DNAJC27: variants seen among roughly 807,000 people sequenced by gnomAD.
DNAJC27 encodes DnaJ heat shock protein family (Hsp40) member C27.
Under a neutral mutation model 31.4 loss-of-function variants are expected in DNAJC27, and 25 were observed. The ratio of observed to expected loss-of-function variants is 0.80; its 90% CI spans 0.58 to 1.11. The LOEUF (loss-of-function observed/expected upper bound fraction) is 1.11, where lower values mean the gene tolerates loss of function less well. Among genes scored for constraint, DNAJC27 ranks in the 50% most tolerant of loss-of-function variants. The pLI, the probability that DNAJC27 is intolerant of heterozygous loss-of-function variation, is 0.00. For synonymous variants in DNAJC27, 106 were observed against 112.7 expected (o/e 0.94, Z 0.37); for missense variants, 356 against 347.3 (o/e 1.02, Z -0.20).
At chr2:24,957,674 TAGGGACA>T in intron 4 of DNAJC27, 129 bp downstream of exon 4, 1 of 859,136 alleles carries the variant, frequency 1.2e-6, no homozygotes, top group African/African-American at 1.7e-5. Flanking sequence ...GTTTTTGTCT[TAGGGACA>T]TTATGTTTTG....
rs1665683008 is a variant in DNAJC27, at chr2:24,947,811, T to C, written c.690-63A>G. ...TCAGCCCAACCCACTGCATGTTAGC[T>C]GTTTGGACACACATAGTATCTCTTA... On this transcript the variant is annotated intron_variant, in intron 6 of 6. Transcript: ENST00000264711. 12 of 1,555,556 alleles carry C rather than the reference T, an allele frequency of 7.7e-6. No homozygotes were observed. The South Asian group carries it at 1.4e-4, about 18-fold the overall frequency.
Position 24,944,718 on chromosome 2 carries a change from A to G in DNAJC27, c.*2898T>C, listed in dbSNP as rs1665607405. On this transcript the variant is annotated 3_prime_UTR_variant, in exon 7 of 7. Transcript: ENST00000264711. ...GAAATAAAATAACAATGCTGAAGTC[A>G]AAGAAATATTGACAGCTGAGATATC... 1 of 152,668 alleles carries G rather than the reference A, an allele frequency of 6.6e-6. No individual in the cohort carries two copies. 9.5% of individuals were successfully genotyped at this position (152,668 alleles called of 1,614,324 possible). A position where few individuals can be genotyped will look rare whatever the true frequency, so the allele number is the denominator to read the frequency against.
chr2:24,957,016 C>A (rs753833301), intron 5 of DNAJC27, 27 bp downstream of exon 5: 1 of 1,597,782 alleles, frequency 6.3e-7, no homozygotes, highest in Non-Finnish European at 8.5e-7. Flanking sequence ...TTGACACAAA[C>A]CTTAAAACAA....
In DNAJC27 at chr2:24,957,971, G is replaced by T; in HGVS notation, c.244C>A (p.Arg82=). 1 of 1,608,936 alleles carries T rather than the reference G, an allele frequency of 6.2e-7. No individual in the cohort carries two copies. The highest frequency in any genetic ancestry group is 1.3e-5 in the African/African-American group (1 of 74,812). ...TGTGTGTCCTTGTAAAACTCATTTCGAACCTTCAAATAAAAGGACAGATAC... is the reference window on the plus strand; with the variant it reads ...TGTGTGTCCTTGTAAAACTCATTTCTAACCTTCAAATAAAAGGACAGATAC... ...MAGHPFFYEV[R]NEFYKDTQGV... Residue 82 remains arginine, a synonymous_variant, in exon 4 of 7, where the codon CGA becomes AGA. Transcript: ENST00000264711.
At chr2:24,963,842 TAGTA>T (rs1366783748) in intron 2 of DNAJC27, among the ~76,000 whole-genome samples, 8 of 152,232 alleles carry the variant, frequency 5.3e-5, no homozygotes, top group Non-Finnish European at 1.0e-4. Context: ...TTATTTCACT[TAGTA>T]AGAGACATCT....
chr2:24,964,330 G>C (rs1382458453), intron 2 of DNAJC27, among the ~76,000 whole-genome samples: 1 of 151,374 alleles, frequency 6.6e-6, no homozygotes, highest in African/African-American at 2.4e-5. Flanking sequence ...GCTGAGGCAG[G>C]AGAATGGCAT....
chr2:24,963,172 C>A (rs1482238665), intron 3 of DNAJC27: 3 of 428,762 alleles, frequency 7.0e-6, no homozygotes, highest in Non-Finnish European at 1.2e-5. Flanking sequence ...GTCAAAATGT[C>A]TTATTGAAAT....
At chr2:24,971,991 G>A, upstream of DNAJC27, 1 of 968,396 alleles carries the variant, frequency 1.0e-6, no homozygotes, top group Non-Finnish European at 1.4e-6. Context: ...CAATGGCGGA[G>A]CCGCTGCTCT....
At chr2:24,950,803 C>T (rs576043385) in intron 6 of DNAJC27, among the ~76,000 whole-genome samples, 4 of 151,642 alleles carry the variant, frequency 2.6e-5, no homozygotes, top group Non-Finnish European at 5.9e-5. Flanking sequence ...GCTGAGATCA[C>T]GCCACTGCAC....
chr2:24,954,070 C>A (rs760620531), intron 5 of DNAJC27, among the ~76,000 whole-genome samples: 1 of 152,138 alleles, frequency 6.6e-6, no homozygotes, highest in Non-Finnish European at 1.5e-5. Context: ...ACACAAGTCT[C>A]ATTGAGCTAA....
rs1339639660 is a variant in DNAJC27 at position 24,971,858 on chromosome 2, C to T, written c.47G>A (p.Arg16His). 1.8e-5 allele frequency: 29 copies of T among 1,609,000 alleles called. No individual in the cohort carries two copies. The highest frequency in any genetic ancestry group is 2.2e-5 in the Non-Finnish European group (26 of 1,178,232). ...GTTGCCCATGGAGATGACTTTGATG[C>T]GGAGAGACCTGCCGGGCTCCTTCCG... The part of the protein sequence containing the change: ...PKRKEPGRSL[R>H]IKVISMGNAE... The change falls in exon 1 of 7, where the codon CGC becomes CAC. Residue 16 changes from arginine (R) to histidine (H), a missense_variant. Arg to His is a conservative substitution (Grantham distance 29). Coordinates refer to ENST00000264711, the MANE Select transcript of DNAJC27 (RefSeq NM_016544.3).
Position 24,946,730 on chromosome 2 carries a change from G to C in DNAJC27, c.*886C>G, listed in dbSNP as rs1251045335. On this transcript the variant is annotated 3_prime_UTR_variant, in exon 7 of 7. Coordinates refer to ENST00000264711, the MANE Select transcript of DNAJC27 (RefSeq NM_016544.3). Reference sequence around the variant, plus strand: ...TTACTATGTTGCCCAGGTGGGACTTGAGCTCCTGGGCTTAAGCAATCCTCC... The same window carrying C: ...TTACTATGTTGCCCAGGTGGGACTTCAGCTCCTGGGCTTAAGCAATCCTCC... 6.6e-6 allele frequency: 1 copy of C among 151,460 alleles called. No homozygotes were observed. Among genetic ancestry groups the C allele is most frequent in the Admixed American group, 6.6e-5 (1 of 15,210 alleles). 9.4% of individuals were successfully genotyped at this position (151,460 alleles called of 1,614,324 possible).
chr2:24,964,290 T>A (rs1285340857), intron 2 of DNAJC27, among the ~76,000 whole-genome samples: 1 of 151,494 alleles, frequency 6.6e-6, no homozygotes, highest in Non-Finnish European at 1.5e-5. Flanking sequence ...GGCGTGGTGG[T>A]GGGCACCTGT....
Position 24,957,126 on chromosome 2 carries a change from C to T in DNAJC27, c.445G>A (p.Gly149Arg). The T allele has an allele frequency of 6.2e-7, 1 of 1,609,358 alleles. No homozygotes were observed. The highest frequency in any genetic ancestry group is 1.1e-5 in the South Asian group (1 of 90,272). ...CCTTTGCTTTCAGCCCAAAGACGTC[C>T]TTCACTTTCATCTACACAGCGATGT... The part of the protein sequence containing the change: ...TKHRCVDESE[G>R]RLWAESKGFL... The change falls in exon 5 of 7, where the codon GGA becomes AGA. Residue 149 changes from glycine (G) to arginine (R), a missense_variant. Physicochemically the swap from Gly to Arg is moderately radical, Grantham distance 125. Transcript: ENST00000264711.
intron 1 of DNAJC27, 77 bp downstream of exon 1, chr2:24,971,741 G>T: frequency 7.5e-7 from 1 of 1,330,828 alleles, no homozygotes; most frequent in South Asian, 1.4e-5. Context: ...CCAGGCTGTT[G>T]AGTGGCCGCC....
intron 5 of DNAJC27, among the ~76,000 whole-genome samples, chr2:24,955,830 A>G (rs1665892378): frequency 6.6e-6 from 1 of 152,246 alleles, no homozygotes; most frequent in South Asian, 2.1e-4. Flanking sequence ...CCCTTGGACA[A>G]ATCACTTTAC....
At chr2:24,969,144 CCCTTCTT>C in intron 1 of DNAJC27, 1 of 205,268 alleles carries the variant, frequency 4.9e-6, no homozygotes, top group South Asian at 9.1e-5. Context: ...AGGAGCAAGT[CCCTTCTT>C]GGACTTAAGA....
At chr2:24,968,452 T>A (rs965857040) in intron 1 of DNAJC27, among the ~76,000 whole-genome samples, 5 of 152,006 alleles carry the variant, frequency 3.3e-5, no homozygotes, top group African/African-American at 9.7e-5. Context: ...TAAGTTTTTT[T>A]AAAAGTTACA....
chr2:24,964,200 C>G (rs1488486449), intron 2 of DNAJC27, among the ~76,000 whole-genome samples: 1 of 151,988 alleles, frequency 6.6e-6, no homozygotes, highest in Non-Finnish European at 1.5e-5. Context: ...ATGGGCGGAT[C>G]ATGAGGTCAG....
Sources: allele counts gnomAD v4.1 joint callset (sites outside exome capture counted in the v4.1 genomes callset), GRCh38; gene constraint gnomAD v4.1.1; transcripts MANE v1.5; gene names NCBI Gene and HGNC (gene_info 2026-07-23, HGNC 2026-07-21).